TRAK2: variants seen among roughly 807,000 people sequenced by gnomAD.
The protein encoded by TRAK2 is trafficking kinesin-binding protein 2.
TRAK2 carries 81 observed loss-of-function variants against 104.6 expected under a neutral mutation model. That is an observed-to-expected ratio of 0.77 (90% confidence interval 0.65 to 0.93). TRAK2 has a LOEUF of 0.93. Ranked by LOEUF, TRAK2 falls within the 40% of genes least tolerant of loss-of-function variation. The probability of loss-of-function intolerance (pLI) is 0.00; values close to 1 mark genes in which losing one functional copy is unlikely to be tolerated. For missense variants in TRAK2, 1,002 were observed against 1,089.0 expected (o/e 0.92, Z 1.12); for synonymous variants, 406 against 394.4 (o/e 1.03, Z -0.35).
In TRAK2 at chr2:201,392,989, C is replaced by T. The variant is rs553149082; in HGVS notation, c.1033G>A (p.Glu345Lys). ...ECLGMLHESQ[E>K]EIKELRSRSG... ...CTACTACGAAGTTCCTTTATTTCTT[C>T]TTGGGATTCATGTAACATTCCTAGA... is the stretch of plus-strand genomic sequence containing the variant. Residue 345 changes from glutamate to lysine, a missense_variant, in exon 10 of 16, where the codon GAA (glutamate) becomes AAA (lysine). By Grantham distance (56) the Glu-to-Lys change is moderately conservative. Transcript: ENST00000332624. 4 of 1,613,766 alleles carry T rather than the reference C, an allele frequency of 2.5e-6. No homozygotes were observed. The highest frequency in any genetic ancestry group is 2.2e-5 in the East Asian group (1 of 44,842).
intron 2 of TRAK2, among the ~76,000 whole-genome samples, chr2:201,415,134 G>A (rs1346693610): frequency 6.6e-6 from 1 of 151,848 alleles, no homozygotes; most frequent in African/African-American, 2.4e-5. Context: ...CTACCGGTAA[G>A]ATAATTAAAT....
rs35656490 is a variant in TRAK2 at position 201,380,638 on chromosome 2, G to C, written c.2650C>G (p.Leu884Val). 6.2e-7 allele frequency: 1 copy of C among 1,614,032 alleles called. No individual in the cohort carries two copies. The highest frequency in any genetic ancestry group is 2.2e-5 in the East Asian group (1 of 44,878). Residue 884 changes from leucine to valine, a missense_variant, in exon 16 of 16, where the codon CTA becomes GTA. Leu to Val is a conservative substitution (Grantham distance 32, BLOSUM62 1). Transcript: ENST00000332624. ...ACTGGAAGACTCTGATTCCTCCTTA[G>C]TCCACCTAATAAACTGCTACCTGAA... ...LNSGSSLLGGLRRNQSLPVIM... is the reference protein window; with the variant it reads ...LNSGSSLLGGVRRNQSLPVIM...
chr2:201,428,323 T>C (rs7592494), intron 1 of TRAK2, among the ~76,000 whole-genome samples: 8,372 of 152,324 alleles, frequency 0.055, 433 homozygotes, highest in African/African-American at 0.14. Context: ...AAGTATTTAA[T>C]CCATCTTGAA....
chr2:201,450,204 C>T (rs1952014809), intron 1 of TRAK2, among the ~76,000 whole-genome samples: 1 of 151,926 alleles, frequency 6.6e-6, no homozygotes, highest in South Asian at 2.1e-4. Flanking sequence ...ATCATGAGGT[C>T]AAGAGATCGA....
intron 1 of TRAK2, among the ~76,000 whole-genome samples, chr2:201,437,899 T>G (rs1951890608): frequency 6.6e-6 from 1 of 152,186 alleles, no homozygotes; most frequent in Non-Finnish European, 1.5e-5. Context: ...GCAGACTTTC[T>G]TATAAGGGAA....
intron 1 of TRAK2, among the ~76,000 whole-genome samples, chr2:201,445,154 T>C (rs1054472262): frequency 4.6e-5 from 7 of 152,222 alleles, no homozygotes; most frequent in African/African-American, 1.7e-4. Context: ...TAAACCACAA[T>C]ACGGGGTAGT....
chr2:201,390,916 T>G (rs1232639119), intron 10 of TRAK2, among the ~76,000 whole-genome samples: 1 of 151,972 alleles, frequency 6.6e-6, no homozygotes, highest in Non-Finnish European at 1.5e-5. Flanking sequence ...TGAGGATGAC[T>G]GGAATTGGAG....
At chr2:201,446,399 C>T (rs13405764) in intron 1 of TRAK2, among the ~76,000 whole-genome samples, 1,881 of 152,326 alleles carry the variant, frequency 0.012, 57 homozygotes, top group African/African-American at 0.043. Context: ...CAGGCCTTCC[C>T]AGAAACCCCA....
In TRAK2 at chr2:201,427,635, C is replaced by T. The variant is rs140675742; in HGVS notation, c.-199-6929G>A. 2.9e-3 allele frequency among the ~76,000 whole-genome samples: 435 copies of T among 152,226 alleles called. 1 individual carries two copies. Among genetic ancestry groups the T allele is most frequent in the African/African-American group, 9.0e-3 (374 of 41,550 alleles). ...TGAATAGTGCCACAATAAACATACA[C>T]GTGCATGTGTCTGTATAGCAGCATG... On this transcript the variant is annotated intron_variant, in intron 1 of 15. Transcript: ENST00000332624.
In TRAK2 at chr2:201,430,797, C is replaced by A. The variant is rs541203350; in HGVS notation, c.-199-10091G>T. On this transcript the variant is annotated intron_variant, in intron 1 of 15. Transcript: ENST00000332624. ...CTTCCCAGGTGAGGCGATGCCCTGCCCTGCTTTGGCTCACCCTCCGCGGGC... is the reference window on the plus strand; with the variant it reads ...CTTCCCAGGTGAGGCGATGCCCTGCACTGCTTTGGCTCACCCTCCGCGGGC... Among the ~76,000 whole-genome samples the A allele has an allele frequency of 7.2e-5, 11 of 152,342 alleles. No individual in the cohort carries two copies. The South Asian group carries it at 2.3e-3, about 32-fold the overall frequency.
At chr2:201,443,383 T>A (rs1336733149) in intron 1 of TRAK2, among the ~76,000 whole-genome samples, 1 of 152,214 alleles carries the variant, frequency 6.6e-6, no homozygotes, top group East Asian at 1.9e-4. Flanking sequence ...GAGAGAGATC[T>A]TACAATGCTC....
rs572135960 is a variant in TRAK2, at chr2:201,439,164, G to T, written c.-200+12186C>A. Among the ~76,000 whole-genome samples the T allele has an allele frequency of 1.2e-4, 19 of 152,308 alleles. No homozygotes were observed. The South Asian group carries it at 3.1e-3, about 25-fold the overall frequency. On this transcript the variant is annotated intron_variant, in intron 1 of 15. Transcript: ENST00000332624. ...CATCCTTGTAGTCTATAGTAGGGAG[G>T]AAAATGAACTGCATAGGAATATGAG...
intron 13 of TRAK2, 78 bp from the exon 14 acceptor site, chr2:201,386,562 A>G: frequency 1.3e-6 from 2 of 1,519,070 alleles, no homozygotes; most frequent in Middle Eastern, 2.3e-4. Flanking sequence ...CTAAAATTAT[A>G]TGTGTAATAA....
At chr2:201,412,609 G>A (rs922968638) in intron 2 of TRAK2, 3 of 1,539,078 alleles carry the variant, frequency 1.9e-6, no homozygotes, top group Middle Eastern at 3.8e-4. Context: ...TATGTATTCA[G>A]GAGGCAAATA....
chr2:201,411,705 GA>G (rs1951648664), intron 2 of TRAK2: 1 of 779,738 alleles, frequency 1.3e-6, no homozygotes. Flanking sequence ...GAGGACTGCA[GA>G]CTCTTTGGAT....
At chr2:201,445,976 T>C (rs1486256293) in intron 1 of TRAK2, among the ~76,000 whole-genome samples, 7 of 152,232 alleles carry the variant, frequency 4.6e-5, no homozygotes, top group Non-Finnish European at 1.5e-5. Context: ...ACTAGGTGAA[T>C]GGAAATTTTA....
intron 1 of TRAK2, among the ~76,000 whole-genome samples, chr2:201,423,356 C>T (rs1295871520): frequency 1.3e-5 from 2 of 152,114 alleles, no homozygotes; most frequent in Non-Finnish European, 2.9e-5. Context: ...AAGAAGCAGC[C>T]ACATGATTCC....
chr2:201,386,956 C>T (rs1366434767), intron 13 of TRAK2, among the ~76,000 whole-genome samples: 1 of 152,194 alleles, frequency 6.6e-6, no homozygotes, highest in Non-Finnish European at 1.5e-5. Context: ...GGCTACAGAA[C>T]CCTGGTGAAT....
At position 201,411,947 on chromosome 2, in the gene TRAK2, G is replaced by T; in HGVS notation, c.92-4350C>A. ...GAGCTCCTGGTATTGAATGGAAGGA[G>T]CTTCTAGTGCTCTGTAAACCATGGG... On this transcript the variant is annotated intron_variant, in intron 2 of 15. Coordinates refer to ENST00000332624, the MANE Select transcript of TRAK2 (RefSeq NM_015049.3). The T allele has an allele frequency of 3.1e-6, 3 of 971,340 alleles. No homozygotes were observed. The South Asian group carries it at 3.8e-5, about 12-fold the overall frequency. 60.2% of individuals were successfully genotyped at this position (971,340 alleles called of 1,614,324 possible).
Sources: allele counts gnomAD v4.1 joint callset (sites outside exome capture counted in the v4.1 genomes callset), GRCh38; gene constraint gnomAD v4.1.1; transcripts MANE v1.5; gene names NCBI Gene and HGNC (gene_info 2026-07-23, HGNC 2026-07-21).